Variants in KCNQ5 observed in about 807,000 individuals in gnomAD.
The protein encoded by KCNQ5 is potassium voltage-gated channel subfamily Q member 5.
KCNQ5 carries 30 observed loss-of-function variants against 98.2 expected under a neutral mutation model. That is an observed-to-expected ratio of 0.31 (90% CI 0.23 to 0.41). The LOEUF is 0.41. Among genes scored for constraint, KCNQ5 ranks in the 10% least tolerant of loss-of-function variants. The pLI is 1.00. For missense variants in KCNQ5, 835 were observed against 1,182.5 expected (o/e 0.71, Z 4.31); for synonymous variants, 458 against 449.4 (o/e 1.02, Z -0.24).
intron 1 of KCNQ5, among the ~76,000 whole-genome samples, chr6:72,921,767 AGAG>A (rs1271432714): frequency 1.3e-5 from 2 of 152,216 alleles, no homozygotes; most frequent in African/African-American, 4.8e-5. Context: ...TCTTTGTCCT[AGAG>A]TCTTGAAGTG....
chr6:73,129,852 A>G lies in KCNQ5; in HGVS notation c.1248-3569A>G. On this transcript the variant is annotated intron_variant, in intron 9 of 13. Coordinates refer to ENST00000370398, the MANE Select transcript of KCNQ5 (RefSeq NM_019842.4). ...ATGTACACCTCACGGAAGCAGAGGT[A>G]CCCAGCATCCGGGCTATTGACATGA... 1 of 1,611,354 alleles carries G rather than the reference A, an allele frequency of 6.2e-7. No individual in the cohort carries two copies. The highest frequency in any genetic ancestry group is 8.5e-7 in the Non-Finnish European group (1 of 1,178,084).
At chr6:73,108,623 G>C (rs546080686) in intron 6 of KCNQ5, among the ~76,000 whole-genome samples, 1 of 152,234 alleles carries the variant, frequency 6.6e-6, no homozygotes, top group Non-Finnish European at 1.5e-5. Flanking sequence ...TGAGGAGATC[G>C]AGACCATCCT....
intron 1 of KCNQ5, among the ~76,000 whole-genome samples, chr6:72,810,943 AC>A (rs1228242956): frequency 6.6e-6 from 1 of 152,212 alleles, no homozygotes; most frequent in Non-Finnish European, 1.5e-5. Flanking sequence ...TGCTAAGAAT[AC>A]CCTGTGTCTG....
At chr6:72,917,795 T>C (rs190912509) in intron 1 of KCNQ5, among the ~76,000 whole-genome samples, 15 of 152,126 alleles carry the variant, frequency 9.9e-5, no homozygotes, top group Admixed American at 7.9e-4. Flanking sequence ...CATAATGTGT[T>C]TTGCCCTGGG....
At chr6:72,922,898 G>C (rs754595941) in intron 1 of KCNQ5, among the ~76,000 whole-genome samples, 1 of 136,290 alleles carries the variant, frequency 7.3e-6, no homozygotes, top group Non-Finnish European at 1.5e-5. Context: ...TGCAACCTCA[G>C]CCTCCTGGGT....
chr6:72,696,512 A>C (rs1222511432), intron 1 of KCNQ5, among the ~76,000 whole-genome samples: 3 of 152,238 alleles, frequency 2.0e-5, no homozygotes, highest in Non-Finnish European at 4.4e-5. Context: ...CATTTTCAAA[A>C]AAGATGCAGG....
chr6:72,777,445 G>A (rs575697466), intron 1 of KCNQ5, among the ~76,000 whole-genome samples: 84 of 152,228 alleles, frequency 5.5e-4, no homozygotes, highest in Middle Eastern at 3.4e-3. Flanking sequence ...GGTGTTGGCC[G>A]AGGAGTCTTG....
intron 3 of KCNQ5, chr6:73,055,697 G>C (rs909118780): frequency 8.8e-7 from 1 of 1,130,788 alleles, no homozygotes; most frequent in African/African-American, 1.5e-5. Flanking sequence ...CTCTGAAGAG[G>C]CTATCATGGA....
At chr6:72,945,043 A>T (rs1375240509) in intron 1 of KCNQ5, among the ~76,000 whole-genome samples, 1 of 152,136 alleles carries the variant, frequency 6.6e-6, no homozygotes, top group Admixed American at 6.6e-5. Flanking sequence ...GCTACTATCG[A>T]TATCTCATGT....
At chr6:72,846,697 C>G (rs79864131) in intron 1 of KCNQ5, among the ~76,000 whole-genome samples, 3,449 of 152,146 alleles carry the variant, frequency 0.023, 60 homozygotes, top group Non-Finnish European at 0.034. Flanking sequence ...ACTGCCCTGA[C>G]TGCTTATGTA....
chr6:72,688,526 T>A (rs914936971), intron 1 of KCNQ5, among the ~76,000 whole-genome samples: 2 of 152,234 alleles, frequency 1.3e-5, no homozygotes, highest in African/African-American at 4.8e-5. Context: ...TAAATAAATA[T>A]AAAAGTTTTA....
intron 1 of KCNQ5, among the ~76,000 whole-genome samples, chr6:72,705,191 C>CT (rs1351436864): frequency 6.6e-6 from 1 of 152,152 alleles, no homozygotes; most frequent in African/African-American, 2.4e-5. Flanking sequence ...ATGGGGCGTA[C>CT]TAAATAACTG....
intron 1 of KCNQ5, among the ~76,000 whole-genome samples, chr6:72,791,288 C>T (rs1006257327): frequency 4.0e-5 from 6 of 151,832 alleles, no homozygotes; most frequent in African/African-American, 1.2e-4. Flanking sequence ...CATATCCACA[C>T]GTGTGTGCAT....
rs141640085 is a variant in KCNQ5, at chr6:73,118,483, T to C, written c.1126-2000T>C. Among the ~76,000 whole-genome samples the C allele has an allele frequency of 9.7e-3, 1,471 of 152,326 alleles. 29 individuals are homozygous for C. The highest frequency in any genetic ancestry group is 0.034 in the African/African-American group (1,406 of 41,566). Reference sequence around the variant, plus strand: ...TATAGTACATATCTTTTAATGAACATATATAAGCATATATTTTGAAAATAT... The same window carrying C: ...TATAGTACATATCTTTTAATGAACACATATAAGCATATATTTTGAAAATAT... On this transcript the variant is annotated intron_variant, in intron 7 of 13. Coordinates refer to ENST00000370398, the MANE Select transcript of KCNQ5 (RefSeq NM_019842.4).
intron 1 of KCNQ5, among the ~76,000 whole-genome samples, chr6:72,861,571 C>T (rs1247371259): frequency 2.6e-5 from 4 of 152,044 alleles, no homozygotes; most frequent in South Asian, 2.1e-4. Flanking sequence ...AAAGATTCTC[C>T]TTAGTGTGTG....
intron 1 of KCNQ5, among the ~76,000 whole-genome samples, chr6:72,699,601 A>G (rs919090858): frequency 2.0e-5 from 3 of 152,204 alleles, no homozygotes; most frequent in Non-Finnish European, 4.4e-5. Flanking sequence ...CTATATAAAT[A>G]TCACAATTAA....
chr6:73,193,195 A>C (rs1298409477), intron 13 of KCNQ5, among the ~76,000 whole-genome samples: 1 of 151,398 alleles, frequency 6.6e-6, no homozygotes. Context: ...GAATTTTTGT[A>C]TTTTTAGTAG....
In KCNQ5 at chr6:72,671,729, G is replaced by A. The variant is rs866876625; in HGVS notation, c.398+49142G>A. On this transcript the variant is annotated intron_variant, in intron 1 of 13. Transcript: ENST00000370398. ...TAGTTCATGATAGCAGAGTACATGG[G>A]CATGCAGATTCTTGGCAGGAAATAT... Among the ~76,000 whole-genome samples the A allele has an allele frequency of 5.9e-5, 9 of 152,258 alleles. 1 individual carries two copies. In the Middle Eastern group the frequency reaches 0.01, roughly 174 times the overall value.
At chr6:73,175,556 C>T (rs1466850811) in intron 11 of KCNQ5, among the ~76,000 whole-genome samples, 1 of 152,178 alleles carries the variant, frequency 6.6e-6, no homozygotes, top group Non-Finnish European at 1.5e-5. Flanking sequence ...TCCCAGGCAC[C>T]CTCTGAAGAA....
Sources: allele counts gnomAD v4.1 joint callset (sites outside exome capture counted in the v4.1 genomes callset), GRCh38; gene constraint gnomAD v4.1.1; transcripts MANE v1.5; gene names NCBI Gene and HGNC (gene_info 2026-07-23, HGNC 2026-07-21).